DIP2C: variants seen among roughly 807,000 people sequenced by gnomAD.
The protein encoded by DIP2C is disco-interacting protein 2 homolog C.
In DIP2C, 33 loss-of-function variants were observed where a neutral mutation model predicts 192.4. The observed-to-expected ratio is 0.17, with a 90% CI of 0.13 to 0.23. DIP2C has a LOEUF of 0.23. Ranked by LOEUF, DIP2C falls within the 10% of genes least tolerant of loss-of-function variation. The pLI, the probability that DIP2C is intolerant of heterozygous loss-of-function variation, is 1.00. For synonymous variants in DIP2C, 979 were observed against 864.1 expected (o/e 1.13, Z -2.33); for missense variants, 1,537 against 2,110.1 (o/e 0.73, Z 5.32).
At chr10:452,602 C>T (rs549265902) in intron 3 of DIP2C, among the ~76,000 whole-genome samples, 166 of 152,310 alleles carry the variant, frequency 1.1e-3, no homozygotes, top group African/African-American at 3.8e-3. Context: ...AGCGCTTTGT[C>T]GAAAGACCTT....
At chr10:610,105 T>G (rs530539815) in intron 1 of DIP2C, among the ~76,000 whole-genome samples, 1 of 152,192 alleles carries the variant, frequency 6.6e-6, no homozygotes, top group Non-Finnish European at 1.5e-5. Context: ...ATGAAGGGAA[T>G]GTGGCCTGAG....
chr10:601,455 C>A (rs1347021349), intron 1 of DIP2C, among the ~76,000 whole-genome samples: 1 of 152,242 alleles, frequency 6.6e-6, no homozygotes, highest in Non-Finnish European at 1.5e-5. Context: ...TAGTTCCTGG[C>A]TCCAGATGGA....
At chr10:414,287 A>C in intron 7 of DIP2C, among the ~76,000 whole-genome samples, 177 bp from the exon 8 acceptor site, 1 of 152,144 alleles carries the variant, frequency 6.6e-6, no homozygotes, top group East Asian at 1.9e-4. Flanking sequence ...GATGCTGGTA[A>C]AAAATTAGTT....
At chr10:479,023 C>T (rs180681129) in intron 2 of DIP2C, among the ~76,000 whole-genome samples, 2 of 152,286 alleles carry the variant, frequency 1.3e-5, no homozygotes, top group South Asian at 2.1e-4. Context: ...GCAGGAGAAG[C>T]CTGCTCTGGG....
chr10:520,448 T>A (rs1471393122), intron 1 of DIP2C, among the ~76,000 whole-genome samples: 1 of 152,194 alleles, frequency 6.6e-6, no homozygotes, highest in Admixed American at 6.5e-5. Context: ...ACAAAAAAAA[T>A]TCTATATCCA....
intron 11 of DIP2C, 96 bp downstream of exon 11, chr10:390,642 CCA>C: frequency 1.3e-6 from 2 of 1,530,086 alleles, no homozygotes; most frequent in African/African-American, 1.4e-5. Flanking sequence ...ACGTTTCATT[CCA>C]CAGAGGATTG....
At chr10:633,238 T>G (rs1854629091) in intron 1 of DIP2C, among the ~76,000 whole-genome samples, 1 of 152,274 alleles carries the variant, frequency 6.6e-6, no homozygotes. Context: ...GCACGTGGGT[T>G]ACTTCACTGT....
chr10:599,940 G>C (rs898090255), intron 1 of DIP2C, among the ~76,000 whole-genome samples: 13 of 152,182 alleles, frequency 8.5e-5, no homozygotes, highest in African/African-American at 2.4e-4. Flanking sequence ...TACACCTCAA[G>C]AGGCCGGGTG....
intron 1 of DIP2C, chr10:667,120 G>C (rs976560367): frequency 3.3e-5 from 5 of 152,300 alleles, no homozygotes; most frequent in African/African-American, 1.2e-4. Flanking sequence ...TTGGAAGGCC[G>C]AGGCAGGCGG....
intron 1 of DIP2C, among the ~76,000 whole-genome samples, chr10:682,615 G>T (rs1214342638): frequency 6.6e-6 from 1 of 152,078 alleles, no homozygotes; most frequent in Non-Finnish European, 1.5e-5. Context: ...TGGCTCAAGG[G>T]TTCTAAAATT....
At chr10:570,498 T>C (rs1310439859) in intron 1 of DIP2C, among the ~76,000 whole-genome samples, 2 of 151,946 alleles carry the variant, frequency 1.3e-5, no homozygotes, top group Non-Finnish European at 2.9e-5. Context: ...ACCTCCTCCT[T>C]TACCAGTTTC....
chr10:331,314 T>TA (rs1957499569), intron 29 of DIP2C, among the ~76,000 whole-genome samples: 1 of 152,146 alleles, frequency 6.6e-6, no homozygotes, highest in Non-Finnish European at 1.5e-5. Context: ...ACGGGACCCT[T>TA]AGTATGAAAA....
intron 1 of DIP2C, among the ~76,000 whole-genome samples, chr10:537,082 C>G (rs1439609403): frequency 1.3e-5 from 2 of 152,204 alleles, no homozygotes; most frequent in African/African-American, 4.8e-5. Context: ...GGGACTCACC[C>G]AGGTCCCAGG....
chr10:539,843 A>G lies in DIP2C; in HGVS notation c.86-53313T>C, dbSNP rs577201689. ...TTTTCAAAAACAGCTATATCATAGA[A>G]TAACAGGATAAAGCAGACCTACAAT... On this transcript the variant is annotated intron_variant, in intron 1 of 36. Coordinates refer to ENST00000280886, the MANE Select transcript of DIP2C (RefSeq NM_014974.3). Among the ~76,000 whole-genome samples the G allele has an allele frequency of 1.8e-4, 27 of 152,358 alleles. No homozygotes were observed. In the South Asian group the frequency reaches 5.4e-3, roughly 30 times the overall value.
chr10:590,219 C>T (rs544900820), intron 1 of DIP2C, among the ~76,000 whole-genome samples: 45 of 152,286 alleles, frequency 3.0e-4, no homozygotes, highest in African/African-American at 9.9e-4. Context: ...AATGTCAGGC[C>T]AGGGGCAACC....
intron 1 of DIP2C, among the ~76,000 whole-genome samples, chr10:681,711 C>T (rs1336527591): frequency 2.6e-5 from 4 of 152,238 alleles, no homozygotes; most frequent in Admixed American, 6.5e-5. Flanking sequence ...ATGCAGACCC[C>T]AGTCTCTAAA....
chr10:289,784 T>TG (rs1955387071), intron 32 of DIP2C, among the ~76,000 whole-genome samples: 1 of 152,136 alleles, frequency 6.6e-6, no homozygotes, highest in South Asian at 2.1e-4. Context: ...CGCACCCCTC[T>TG]GGGAATGGGG....
intron 30 of DIP2C, among the ~76,000 whole-genome samples, chr10:327,740 T>C (rs1564562063): frequency 6.6e-6 from 1 of 152,194 alleles, no homozygotes; most frequent in African/African-American, 2.4e-5. Context: ...AAAACTAAAA[T>C]TTTTGGATGA....
chr10:533,500 G>A (rs1277940637), intron 1 of DIP2C, among the ~76,000 whole-genome samples: 1 of 152,096 alleles, frequency 6.6e-6, no homozygotes, highest in East Asian at 1.9e-4. Context: ...TAGGTTAGAT[G>A]GCCTCCTACA....
Sources: gnomAD v4.1 joint callset for allele counts (sites outside exome capture counted in the v4.1 genomes callset) on GRCh38, gnomAD v4.1.1 for gene constraint, MANE v1.5 for transcripts, NCBI Gene and HGNC (gene_info 2026-07-23, HGNC 2026-07-21) for gene names.